SPAG6: variants seen among roughly 807,000 people sequenced by gnomAD.
SPAG6 encodes the protein sperm associated antigen 6.
SPAG6 carries 49 observed loss-of-function variants against 58.5 expected under a neutral mutation model. The observed-to-expected ratio is 0.84, with a 90% CI of 0.67 to 1.06. The LOEUF is 1.06. Among genes scored for constraint, SPAG6 ranks in the 50% least tolerant of loss-of-function variants. SPAG6 has a pLI of 0.00. For synonymous variants in SPAG6, 233 were observed against 225.6 expected (o/e 1.03, Z -0.29); for missense variants, 560 against 611.3 (o/e 0.92, Z 0.89).
chr10:22,346,150 G>A, intron 2 of SPAG6: 1 of 1,310,124 alleles, frequency 7.6e-7, no homozygotes, highest in Non-Finnish European at 1.0e-6. Flanking sequence ...GTGCCATTTT[G>A]CATGCCACCC....
chr10:22,347,186 T>C (rs1836586092), intron 2 of SPAG6, among the ~76,000 whole-genome samples: 1 of 152,216 alleles, frequency 6.6e-6, no homozygotes, highest in African/African-American at 2.4e-5. Flanking sequence ...TCCCTAACCC[T>C]GGACAACCAC....
intron 8 of SPAG6, among the ~76,000 whole-genome samples, chr10:22,394,078 A>G (rs1411920894): frequency 6.6e-6 from 1 of 152,164 alleles, no homozygotes; most frequent in African/African-American, 2.4e-5. Flanking sequence ...TGCTCATTTT[A>G]AATTGGGTTA....
chr10:22,360,787 T>A (rs1179717151), intron 2 of SPAG6: 2 of 1,532,908 alleles, frequency 1.3e-6, no homozygotes, highest in Non-Finnish European at 1.7e-6. Flanking sequence ...GTGGCAACTA[T>A]TCAGACTGCT....
At position 22,345,769 on chromosome 10, in the gene SPAG6, G is replaced by A; in HGVS notation, c.72G>A (p.Val24=). ...QKARTQFVQM[V]AELATRPQNI... Reference sequence around the variant, plus strand: ...CCAGGACCCAGTTCGTGCAGATGGTGGCGGAGCTGGCGACTAGACCCCAAA... The same window carrying A: ...CCAGGACCCAGTTCGTGCAGATGGTAGCGGAGCTGGCGACTAGACCCCAAA... The change falls in exon 2 of 11, where the codon GTG becomes GTA. Residue 24 remains valine, a synonymous_variant. Coordinates refer to ENST00000376624, the MANE Select transcript of SPAG6 (RefSeq NM_012443.4). This position sits in a 1 kb window ranked among gnomAD's most constrained non-coding sequence, Gnocchi z 6.3. 6.2e-7 allele frequency: 1 copy of A among 1,613,692 alleles called. No homozygotes were observed. The highest frequency in any genetic ancestry group is 1.6e-4 in the Middle Eastern group (1 of 6,062).
intron 9 of SPAG6, among the ~76,000 whole-genome samples, chr10:22,409,777 G>T (rs1834682471): frequency 1.3e-5 from 2 of 152,082 alleles, no homozygotes; most frequent in African/African-American, 4.8e-5. Context: ...TTCCTAGTCT[G>T]GTCAGTCTTT....
At chr10:22,397,569 G>A (rs796481286) in intron 8 of SPAG6, among the ~76,000 whole-genome samples, 11 of 152,320 alleles carry the variant, frequency 7.2e-5, no homozygotes, top group African/African-American at 2.6e-4. Flanking sequence ...ACCTGCCTCG[G>A]CCTCCCAAAG....
chr10:22,405,779 G>T (rs1490739982), intron 9 of SPAG6, among the ~76,000 whole-genome samples: 1 of 152,108 alleles, frequency 6.6e-6, no homozygotes, highest in African/African-American at 2.4e-5. Context: ...GACTCTTTTT[G>T]GTTCGTAAGC....
At chr10:22,347,105 G>A (rs1223859329) in intron 2 of SPAG6, among the ~76,000 whole-genome samples, 1 of 152,080 alleles carries the variant, frequency 6.6e-6, no homozygotes, top group South Asian at 2.1e-4. Context: ...GCACAGTCAA[G>A]ATACAGAACA....
chr10:22,391,973 C>T, intron 8 of SPAG6, 53 bp downstream of exon 8: 1 of 1,156,786 alleles, frequency 8.6e-7, no homozygotes, highest in Non-Finnish European at 1.3e-6. Context: ...AAAAATATGT[C>T]ATTTCAAATC....
At chr10:22,406,396 T>C (rs1365122910) in intron 9 of SPAG6, among the ~76,000 whole-genome samples, 4 of 152,146 alleles carry the variant, frequency 2.6e-5, no homozygotes, top group Non-Finnish European at 5.9e-5. Context: ...TCGTTATGTA[T>C]CCAGTAGTTA....
chr10:22,376,455 A>G (rs1833815456), intron 4 of SPAG6, among the ~76,000 whole-genome samples: 1 of 152,166 alleles, frequency 6.6e-6, no homozygotes, highest in Non-Finnish European at 1.5e-5. Context: ...TGTAGATAAT[A>G]TTTCTATTGG....
At chr10:22,403,156 T>C (rs1345282847) in intron 9 of SPAG6, among the ~76,000 whole-genome samples, 1 of 152,166 alleles carries the variant, frequency 6.6e-6, no homozygotes. Context: ...TATTATACTT[T>C]AAGTTTTAGG....
At chr10:22,399,074 C>G (rs1834356065) in intron 8 of SPAG6, among the ~76,000 whole-genome samples, 3 of 152,190 alleles carry the variant, frequency 2.0e-5, no homozygotes, top group South Asian at 4.1e-4. Context: ...CTCCCTTGGC[C>G]TCCCAAAGTG....
intron 8 of SPAG6, 46 bp downstream of exon 8, chr10:22,391,966 AAT>A (rs1477435909): frequency 1.6e-6 from 2 of 1,268,150 alleles, no homozygotes; most frequent in African/African-American, 3.0e-5. Context: ...TCATTTAAAA[AAT>A]ATGTCATTTC....
intron 6 of SPAG6, 30 bp downstream of exon 6, chr10:22,388,026 TGTA>T: frequency 6.4e-7 from 1 of 1,552,798 alleles, no homozygotes; most frequent in Non-Finnish European, 8.7e-7. Context: ...CACAATAATA[TGTA>T]GTAGTTAGTT....
chr10:22,391,848 A>G lies in SPAG6; in HGVS notation c.1125A>G (p.Ala375=). The G allele has an allele frequency of 6.2e-7, 1 of 1,613,578 alleles. No homozygotes were observed. The highest frequency in any genetic ancestry group is 1.7e-4 in the Middle Eastern group (1 of 6,054). ...RHTPEHARAV[A]VTNTLPVLLS... is the part of the protein sequence containing the mutation. ...CTCCTGAACACGCACGGGCTGTTGC[A>G]GTCACAAATACTTTGCCAGTTCTGC... Residue 375 remains alanine, a synonymous_variant, in exon 8 of 11, where the codon GCA becomes GCG. Coordinates refer to ENST00000376624, the MANE Select transcript of SPAG6 (RefSeq NM_012443.4).
At chr10:22,395,830 T>G (rs1834279926) in intron 8 of SPAG6, among the ~76,000 whole-genome samples, 1 of 152,250 alleles carries the variant, frequency 6.6e-6, no homozygotes, top group Non-Finnish European at 1.5e-5. Flanking sequence ...TTTTAATAGC[T>G]ATTACTCTTT....
At chr10:22,405,539 C>T (rs1834530310) in intron 9 of SPAG6, among the ~76,000 whole-genome samples, 1 of 149,666 alleles carries the variant, frequency 6.7e-6, no homozygotes, top group East Asian at 2.0e-4. Flanking sequence ...TTCGGTTTGC[C>T]AGTATTTTAT....
At chr10:22,406,249 T>C (rs1182892625) in intron 9 of SPAG6, among the ~76,000 whole-genome samples, 1 of 152,216 alleles carries the variant, frequency 6.6e-6, no homozygotes, top group Non-Finnish European at 1.5e-5. Flanking sequence ...ATTTTGGATC[T>C]TTCCTGCTTT....
Sources: gnomAD v4.1 joint callset for allele counts (sites outside exome capture counted in the v4.1 genomes callset) on GRCh38, gnomAD v4.1.1 for gene constraint, Gnocchi (gnomAD v3.1) non-coding constraint, MANE v1.5 for transcripts, NCBI Gene and HGNC (gene_info 2026-07-23, HGNC 2026-07-21) for gene names.